FREM2: variants seen among roughly 807,000 people sequenced by gnomAD.
FREM2 encodes the protein FRAS1-related extracellular matrix protein 2.
FREM2 carries 119 observed loss-of-function variants against 219.9 expected under a neutral mutation model. The ratio of observed to expected loss-of-function variants is 0.54; its 90% CI spans 0.47 to 0.63. FREM2 has a LOEUF of 0.63. Ranked by LOEUF, FREM2 falls within the 30% of genes least tolerant of loss-of-function variation. FREM2 has a pLI of 0.00. For synonymous variants in FREM2, 1,562 were observed against 1,522.8 expected (o/e 1.03, Z -0.60); for missense variants, 4,030 against 3,993.6 (o/e 1.01, Z -0.25).
At chr13:38,848,396 T>G in intron 7 of FREM2, 65 bp from the exon 8 acceptor site, 1 of 1,074,846 alleles carries the variant, frequency 9.3e-7, no homozygotes, top group Non-Finnish European at 1.5e-6. Context: ...TTACATAATT[T>G]ATGTCTTATA....
Position 38,687,618 on chromosome 13 carries a change from C to G in FREM2, c.274C>G (p.Leu92Val). 1 of 1,609,830 alleles carries G rather than the reference C, an allele frequency of 6.2e-7. No individual in the cohort carries two copies. Among genetic ancestry groups the G allele is most frequent in the Non-Finnish European group, 8.5e-7 (1 of 1,178,278 alleles). ...PFGREVWLDP[L>V]HDLVLQVQPG... is the part of the protein sequence containing the mutation. Reference sequence around the variant, plus strand: ...CGGCCGTGAAGTCTGGCTGGATCCCCTGCATGACCTGGTGTTGCAGGTGCA... The same window carrying G: ...CGGCCGTGAAGTCTGGCTGGATCCCGTGCATGACCTGGTGTTGCAGGTGCA... The change falls in exon 1 of 24, where the codon CTG becomes GTG. Residue 92 changes from leucine (L) to valine (V), a missense_variant. By Grantham distance (32) the Leu-to-Val change is conservative. Around this residue, in one of 2 missense-constraint regions of FREM2, gnomAD observed 3,102 missense variants for 2,950.7 expected, o/e 1.05. Coordinates refer to ENST00000280481, the MANE Select transcript of FREM2 (RefSeq NM_207361.6).
At position 38,851,742 on chromosome 13, in the gene FREM2, G is replaced by A. The variant is rs777349002; in HGVS notation, c.6799G>A (p.Gly2267Arg). The change falls in exon 11 of 24, where the codon GGA (glycine) becomes AGA (arginine). Residue 2267 changes from glycine (G) to arginine (R), a missense_variant. Gly to Arg is a moderately radical substitution (Grantham distance 125, BLOSUM62 -2). Transcript: ENST00000280481. ...KFSVTEPKEP[G>R]ESVVIRIPVI... ...TAGTGTCACTGAACCCAAAGAACCT[G>A]GAGAGTCGGTGGTTATAAGAATTCC... 11 of 1,613,442 alleles carry A rather than the reference G, an allele frequency of 6.8e-6. No individual in the cohort carries two copies. In the African/African-American group the frequency reaches 1.2e-4, roughly 18 times the overall value.
intron 3 of FREM2, among the ~76,000 whole-genome samples, chr13:38,768,012 C>G (rs1873508132): frequency 6.6e-6 from 1 of 152,060 alleles, no homozygotes; most frequent in Non-Finnish European, 1.5e-5. Flanking sequence ...TATATAAGCA[C>G]TACGAAGGCA....
rs1026921769 is a variant in FREM2, at chr13:38,763,929, A to G, written c.5264-375A>G. 6.8e-4 allele frequency among the ~76,000 whole-genome samples: 104 copies of G among 152,330 alleles called. 1 individual carries two copies. The highest frequency in any genetic ancestry group is 6.8e-3 in the Middle Eastern group (2 of 294). On this transcript the variant is annotated intron_variant, in intron 2 of 23. Coordinates refer to ENST00000280481, the MANE Select transcript of FREM2 (RefSeq NM_207361.6). ...GTGTGTGTTTTTTAGAACATCACAA[A>G]GGAGCCTTGCAGCCCTCTGATTAGA...
At chr13:38,846,809 C>T in intron 7 of FREM2, 87 bp downstream of exon 7, 1 of 1,437,844 alleles carries the variant, frequency 7.0e-7, no homozygotes, top group Non-Finnish European at 9.8e-7. Context: ...AAATACTTCA[C>T]TTCTATTAAA....
chr13:38,788,377 G>C (rs1874417002), intron 6 of FREM2, among the ~76,000 whole-genome samples: 1 of 152,052 alleles, frequency 6.6e-6, no homozygotes, highest in African/African-American at 2.4e-5. Flanking sequence ...GTTTGGGATG[G>C]TTTATCTATT....
intron 23 of FREM2, 33 bp from the exon 24 acceptor site, chr13:38,880,251 G>T (rs1033518631): frequency 1.2e-6 from 2 of 1,603,136 alleles, no homozygotes; most frequent in Admixed American, 3.3e-5. Flanking sequence ...ATGGTATCTA[G>T]TATTTCCTAA....
At chr13:38,874,104 G>T (rs1027648281) in intron 17 of FREM2, among the ~76,000 whole-genome samples, 1 of 152,016 alleles carries the variant, frequency 6.6e-6, no homozygotes, top group African/African-American at 2.4e-5. Flanking sequence ...ATAAAATTAG[G>T]AATAATTCTG....
At position 38,688,375 on chromosome 13, in the gene FREM2, C is replaced by T; in HGVS notation, c.1031C>T (p.Ala344Val). 6.2e-7 allele frequency: 1 copy of T among 1,614,082 alleles called. No homozygotes were observed. The highest frequency in any genetic ancestry group is 8.5e-7 in the Non-Finnish European group (1 of 1,179,960). Residue 344 changes from alanine (A) to valine (V), a missense_variant, in exon 1 of 24, where the codon GCA becomes GTA. By Grantham distance (64) the Ala-to-Val change is moderately conservative. Coordinates refer to ENST00000280481, the MANE Select transcript of FREM2 (RefSeq NM_207361.6). ...ACGGCCCTGACCCCAGACATGCTGG[C>T]AGCCGAGGATGCTGAGTCTCCCTCT... ...VLTALTPDML[A>V]AEDAESPSDL...
At chr13:38,876,209 G>T in intron 19 of FREM2, 39 bp from the exon 20 acceptor site, 2 of 1,613,990 alleles carry the variant, frequency 1.2e-6, no homozygotes, top group South Asian at 1.1e-5. Context: ...TTACACCTCA[G>T]ATTTTTAAAT....
At chr13:38,850,403 C>T (rs943820307) in intron 9 of FREM2, among the ~76,000 whole-genome samples, 168 bp downstream of exon 9, 1 of 152,114 alleles carries the variant, frequency 6.6e-6, no homozygotes, top group African/African-American at 2.4e-5. Context: ...TGAATGAATG[C>T]CCTTTTGGTA....
At chr13:38,735,225 A>G (rs781348858) in intron 2 of FREM2, among the ~76,000 whole-genome samples, 36 of 152,182 alleles carry the variant, frequency 2.4e-4, no homozygotes, top group Non-Finnish European at 4.3e-4. Context: ...TGCTATATTT[A>G]ATGATTAGAA....
At chr13:38,730,429 G>A (rs1417861093) in intron 2 of FREM2, among the ~76,000 whole-genome samples, 2 of 152,224 alleles carry the variant, frequency 1.3e-5, no homozygotes, top group African/African-American at 4.8e-5. Context: ...ATGGCACCAT[G>A]GCAGTTGCTA....
chr13:38,816,057 C>A lies in FREM2; in HGVS notation c.6020-30516C>A, dbSNP rs772466563. On this transcript the variant is annotated intron_variant, in intron 6 of 23. Coordinates refer to ENST00000280481, the MANE Select transcript of FREM2 (RefSeq NM_207361.6). ...GAAGAAATAGAAAATCTGAGCAGGT[C>A]AGTAATGACTGAGGACATTGAATCA... 6.6e-4 allele frequency among the ~76,000 whole-genome samples: 100 copies of A among 152,084 alleles called. 3 individuals carry two copies. Among genetic ancestry groups the A allele is most frequent in the Non-Finnish European group, 1.2e-4 (8 of 68,000 alleles).
At position 38,877,212 on chromosome 13, in the gene FREM2, C is replaced by T. The variant is rs777762449; in HGVS notation, c.8640C>T (p.Phe2880=). The change falls in exon 21 of 24, where the codon TTC becomes TTT. Residue 2880 remains phenylalanine (F), a synonymous_variant. Coordinates refer to ENST00000280481, the MANE Select transcript of FREM2 (RefSeq NM_207361.6). ...SLWLSDGSMG[F]GQESDVAFAE... Reference sequence around the variant, plus strand: ...GGTTGTCTGATGGATCCATGGGATTCGGGCAAGAGAGTGATGTTGCTTTTG... The same window carrying T: ...GGTTGTCTGATGGATCCATGGGATTTGGGCAAGAGAGTGATGTTGCTTTTG... 3.1e-6 allele frequency: 5 copies of T among 1,613,848 alleles called. No individual in the cohort carries two copies. Among genetic ancestry groups the T allele is most frequent in the East Asian group, 2.2e-5 (1 of 44,882 alleles).
intron 1 of FREM2, 122 bp downstream of exon 1, chr13:38,692,639 G>C: frequency 8.8e-7 from 1 of 1,136,644 alleles, no homozygotes. Context: ...AAGGGGATGG[G>C]GAGAATATAG....
rs1168205924 is a variant in FREM2, at chr13:38,883,038, A to G, written c.*2251A>G. 1.3e-5 allele frequency: 2 copies of G among 152,188 alleles called. No homozygotes were observed. Among genetic ancestry groups the G allele is most frequent in the Admixed American group, 1.3e-4 (2 of 15,266 alleles). The allele number at this position is 152,188 out of a possible 1,614,324, so 9.4% of individuals were successfully genotyped here. On this transcript the variant is annotated 3_prime_UTR_variant, in exon 24 of 24. Transcript: ENST00000280481. ...AATGAAGCTACTTTATATAAATTGG[A>G]GAGCTTATAAAATGCAGAACATTTC...
Position 38,857,857 on chromosome 13 carries a change from A to G in FREM2, c.7057-18A>G, listed in dbSNP as rs759454482. ...TTTAATATTTCACTAATCAGTGATA[A>G]TTGTCTTTTCCTTCTAGTTGACGAA... On this transcript the variant is annotated intron_variant, in intron 12 of 23. Transcript: ENST00000280481. 6.2e-7 allele frequency: 1 copy of G among 1,605,680 alleles called. No individual in the cohort carries two copies. Among genetic ancestry groups the G allele is most frequent in the East Asian group, 2.2e-5 (1 of 44,830 alleles).
Position 38,691,366 on chromosome 13 carries a change from A to C in FREM2, c.4022A>C (p.Tyr1341Ser). 1 of 1,614,034 alleles carries C rather than the reference A, an allele frequency of 6.2e-7. No homozygotes were observed. The stretch of plus-strand genomic sequence containing the variant: ...GATTCAGAAGACAAATCTTTGGTTT[A>C]TATTATTCGTTATGGGCCAGGACAT... ...DLDSEDKSLV[Y>S]IIRYGPGHGL... Residue 1341 changes from tyrosine to serine, a missense_variant, in exon 1 of 24, where the codon TAT (tyrosine) becomes TCT (serine). Tyr to Ser is a moderately radical substitution (Grantham distance 144). Coordinates refer to ENST00000280481, the MANE Select transcript of FREM2 (RefSeq NM_207361.6).
Sources: gnomAD v4.1 joint callset for allele counts (sites outside exome capture counted in the v4.1 genomes callset) on GRCh38, gnomAD v4.1.1 for gene constraint, gnomAD v4.1.1 regional missense constraint, MANE v1.5 for transcripts, NCBI Gene and HGNC (gene_info 2026-07-23, HGNC 2026-07-21) for gene names.